The following RAB3GAP1 variants were observed in gnomAD, a reference collection of about 807,000 sequenced individuals.
RAB3GAP1 encodes rab3 GTPase-activating protein catalytic subunit.
RAB3GAP1 carries 86 observed loss-of-function variants against 130.7 expected under a neutral mutation model. The observed-to-expected ratio is 0.66, with a 90% CI of 0.55 to 0.79. The LOEUF is 0.79. Ranked by LOEUF, RAB3GAP1 falls within the 30% of genes least tolerant of loss-of-function variation. The pLI, the probability that RAB3GAP1 is intolerant of heterozygous loss-of-function variation, is 0.00. For synonymous variants in RAB3GAP1, 367 were observed against 401.7 expected, an observed-to-expected ratio of 0.91 and a Z score of 1.03; for missense variants, 1,029 against 1,169.4, an observed-to-expected ratio of 0.88 and a Z score of 1.75.
At chr2:135,113,373 A>G in intron 6 of RAB3GAP1, 103 bp downstream of exon 6, 3 of 1,433,810 alleles carry the variant, frequency 2.1e-6, no homozygotes, top group Middle Eastern at 2.1e-4. Context: ...GTAATTAGGA[A>G]CTTAGTGCAT....
chr2:135,131,419 A>G (rs1350100870), intron 13 of RAB3GAP1, among the ~76,000 whole-genome samples: 1 of 151,498 alleles, frequency 6.6e-6, no homozygotes, highest in African/African-American at 2.4e-5. Context: ...TTTAGTAGAG[A>G]TAGGGTTTCA....
chr2:135,081,327 A>AAATATATATATAT (rs1363481112), intron 3 of RAB3GAP1, among the ~76,000 whole-genome samples: 2 of 64,070 alleles, frequency 3.1e-5, no homozygotes, highest in African/African-American at 9.2e-5. Context: ...AAAAAAAAAA[A>AAATATATATATAT]ATATATATAT....
chr2:135,090,425 G>C (rs1690110755), intron 3 of RAB3GAP1, among the ~76,000 whole-genome samples: 1 of 152,030 alleles, frequency 6.6e-6, no homozygotes, highest in Admixed American at 6.6e-5. Context: ...CTCTCCATTG[G>C]AAAAAATAGC....
chr2:135,055,837 C>CT (rs143968556), intron 2 of RAB3GAP1, among the ~76,000 whole-genome samples: 47,146 of 150,886 alleles, frequency 0.31, 11,173 homozygotes, highest in African/African-American at 0.65. Context: ...GACATATTTC[C>CT]TTTTTTTTTC....
chr2:135,088,508 G>A (rs1690049294), intron 3 of RAB3GAP1, among the ~76,000 whole-genome samples: 1 of 151,808 alleles, frequency 6.6e-6, no homozygotes, highest in African/African-American at 2.4e-5. Flanking sequence ...GGCCAACATA[G>A]TGAAACCCTG....
At chr2:135,064,691 GTT>G (rs991061038) in intron 3 of RAB3GAP1, among the ~76,000 whole-genome samples, 1 of 107,142 alleles carries the variant, frequency 9.3e-6, no homozygotes. Context: ...TGTTGATTAT[GTT>G]TTTTTTTTTG....
At chr2:135,087,990 A>G (rs1221579069) in intron 3 of RAB3GAP1, among the ~76,000 whole-genome samples, 1 of 152,192 alleles carries the variant, frequency 6.6e-6, no homozygotes. Flanking sequence ...TCCTAATGGA[A>G]TTGAATATGG....
chr2:135,064,755 GTT>G (rs746093269), intron 3 of RAB3GAP1, among the ~76,000 whole-genome samples: 6 of 104,962 alleles, frequency 5.7e-5, no homozygotes, highest in African/African-American at 1.3e-4. Flanking sequence ...GAGGTGTTTT[GTT>G]TTTTTTTTTT....
At position 135,133,853 on chromosome 2, in the gene RAB3GAP1, A is replaced by G. The variant is rs1320435092; in HGVS notation, c.1327-8A>G. On this transcript the variant is annotated splice_polypyrimidine_tract_variant and splice_region_variant and intron_variant, in intron 14 of 23. Coordinates refer to ENST00000264158, the MANE Select transcript of RAB3GAP1 (RefSeq NM_012233.3). ...AAGTTTGCTTTGTTTCTATTTTGTT[A>G]AATTTAGAATCTCTACAATCAGTTC... The G allele has an allele frequency of 1.2e-6, 2 of 1,612,168 alleles. No individual in the cohort carries two copies. Among genetic ancestry groups the G allele is most frequent in the African/African-American group, 2.7e-5 (2 of 74,874 alleles).
intron 3 of RAB3GAP1, among the ~76,000 whole-genome samples, chr2:135,070,170 G>T (rs1283008519): frequency 2.0e-5 from 3 of 152,170 alleles, no homozygotes; most frequent in African/African-American, 4.8e-5. Context: ...CTCACTCCTT[G>T]TTTCCTTTAA....
intron 17 of RAB3GAP1, among the ~76,000 whole-genome samples, chr2:135,141,229 T>TTCTTC (rs557405809): frequency 8.1e-6 from 1 of 123,294 alleles, no homozygotes; most frequent in Non-Finnish European, 1.7e-5. Context: ...CACTTACTTC[T>TTCTTC]TTTTTTTTTT....
chr2:135,149,076 T>C (rs1692090403), intron 17 of RAB3GAP1, among the ~76,000 whole-genome samples: 2 of 152,194 alleles, frequency 1.3e-5, no homozygotes, highest in Admixed American at 1.3e-4. Context: ...CTCTTTATCA[T>C]GTTCTTCTCC....
At chr2:135,133,146 A>G (rs1052675107) in intron 14 of RAB3GAP1, among the ~76,000 whole-genome samples, 162 bp downstream of exon 14, 3 of 152,156 alleles carry the variant, frequency 2.0e-5, no homozygotes, top group African/African-American at 7.2e-5. Context: ...ACTAGCACAG[A>G]TACATATTTT....
chr2:135,133,732 T>C, intron 14 of RAB3GAP1, 129 bp from the exon 15 acceptor site: 1 of 756,492 alleles, frequency 1.3e-6, no homozygotes, highest in Non-Finnish European at 2.3e-6. Flanking sequence ...GTATTAGACA[T>C]TTGATAATGC....
At position 135,169,645 on chromosome 2, in the gene RAB3GAP1, A is replaced by G. The variant is rs1364158617; in HGVS notation, c.*864A>G. The stretch of plus-strand genomic sequence containing the variant: ...AAAAATACAGTCTTGGTACCTAGAG[A>G]CTGTCATGCAGATAGTATAATTTGG... On this transcript the variant is annotated 3_prime_UTR_variant, in exon 24 of 24. Transcript: ENST00000264158. 2.3e-6 allele frequency: 1 copy of G among 426,968 alleles called. No homozygotes were observed. The highest frequency in any genetic ancestry group is 4.7e-6 in the Non-Finnish European group (1 of 210,578). 26.4% of individuals were successfully genotyped at this position (426,968 alleles called of 1,614,324 possible).
chr2:135,083,781 T>TG (rs1689900160), intron 3 of RAB3GAP1, among the ~76,000 whole-genome samples: 1 of 150,248 alleles, frequency 6.7e-6, no homozygotes, highest in Non-Finnish European at 1.5e-5. Context: ...TTTTTTTTTT[T>TG]TTTTTTTTTT....
Position 135,130,579 on chromosome 2 carries a change from C to T in RAB3GAP1, c.1094C>T (p.Ser365Leu). 1 of 1,613,438 alleles carries T rather than the reference C, an allele frequency of 6.2e-7. No individual in the cohort carries two copies. Among genetic ancestry groups the T allele is most frequent in the Non-Finnish European group, 8.5e-7 (1 of 1,179,710 alleles). Residue 365 changes from serine (S) to leucine (L), a missense_variant, in exon 13 of 24, where the codon TCA becomes TTA. Ser to Leu is a moderately radical substitution (Grantham distance 145). This residue lies in a region of RAB3GAP1 where 510 missense variants were observed against 532.1 expected (regional missense o/e 0.96). Transcript: ENST00000264158. ...KETADITHAL[S>L]KLTEPASVPI... is the part of the protein sequence containing the mutation. ...ACTGCTGATATAACTCATGCTTTGT[C>T]AAAATTGACAGAGCCGGCATCAGTT...
At chr2:135,126,454 G>T in intron 10 of RAB3GAP1, 129 bp from the exon 11 acceptor site, 1 of 994,364 alleles carries the variant, frequency 1.0e-6, no homozygotes, top group South Asian at 1.3e-5. Flanking sequence ...ATCTGGATAA[G>T]AGTAAGTTTA....
chr2:135,135,425 A>G, intron 16 of RAB3GAP1, 106 bp downstream of exon 16: 1 of 1,430,304 alleles, frequency 7.0e-7, no homozygotes, highest in Non-Finnish European at 9.8e-7. Flanking sequence ...GTGCTGCTGT[A>G]GGTTGCCTAT....
Sources: allele counts gnomAD v4.1 joint callset (sites outside exome capture counted in the v4.1 genomes callset), GRCh38; gene constraint gnomAD v4.1.1; regional missense constraint gnomAD v4.1.1; transcripts MANE v1.5; gene names NCBI Gene and HGNC (gene_info 2026-07-23, HGNC 2026-07-21).